PAK5: variants seen among roughly 807,000 people sequenced by gnomAD.
The protein encoded by PAK5 is p21 (RAC1) activated kinase 5.
A neutral mutation model predicts 65.9 loss-of-function variants in PAK5; 16 were observed. The observed-to-expected ratio is 0.24, with a 90% CI of 0.16 to 0.37. The LOEUF is 0.37. Among genes scored for constraint, PAK5 ranks in the 10% least tolerant of loss-of-function variants. The pLI, the probability that PAK5 is intolerant of heterozygous loss-of-function variation, is 1.00. For synonymous variants in PAK5, 371 were observed against 354.9 expected (o/e 1.05, Z -0.51); for missense variants, 785 against 903.9 (o/e 0.87, Z 1.69).
rs557143368 is a variant in PAK5, at chr20:9,562,395, G to C, written c.1616+496C>G. Among the ~76,000 whole-genome samples, 7 of 152,282 alleles carry C rather than the reference G, an allele frequency of 4.6e-5. No individual in the cohort carries two copies. The South Asian group carries it at 1.5e-3, about 32-fold the overall frequency. On this transcript the variant is annotated intron_variant, in intron 6 of 9. Transcript: ENST00000353224. ...GGGAGGCAAATAGCTGAAGCAATAG[G>C]CTGGTAATTAACCATCGTTACTTGC... is the stretch of plus-strand genomic sequence containing the variant.
intron 1 of PAK5, among the ~76,000 whole-genome samples, chr20:9,727,978 A>C (rs1277388322): frequency 1.3e-5 from 2 of 152,122 alleles, no homozygotes; most frequent in Non-Finnish European, 2.9e-5. Flanking sequence ...TGGTGTTTAG[A>C]AACCACCAAG....
intron 1 of PAK5, among the ~76,000 whole-genome samples, chr20:9,830,607 AT>A (rs1978635714): frequency 6.6e-6 from 1 of 152,174 alleles, no homozygotes; most frequent in African/African-American, 2.4e-5. Flanking sequence ...TTTCTTTCAG[AT>A]TATACCTTTC....
chr20:9,644,197 T>A lies in PAK5; in HGVS notation c.132A>T (p.Ala44=). The A allele has an allele frequency of 6.2e-7, 1 of 1,611,156 alleles. No homozygotes were observed. The change falls in exon 3 of 10, where the codon GCA becomes GCT. Residue 44 remains alanine (A), a synonymous_variant. Transcript: ENST00000353224. ...TAGGCTTTGGCCTGTTGGCCGTATCTGCTAACAGGCTGTGCCACTGCTGGG... is the reference window on the plus strand; with the variant it reads ...TAGGCTTTGGCCTGTTGGCCGTATCAGCTAACAGGCTGTGCCACTGCTGGG... The part of the protein sequence containing the change: ...GLPQQWHSLL[A]DTANRPKPMV...
chr20:9,619,727 A>G (rs2046735854), intron 3 of PAK5, among the ~76,000 whole-genome samples: 1 of 152,100 alleles, frequency 6.6e-6, no homozygotes, highest in Non-Finnish European at 1.5e-5. Flanking sequence ...CTTCCAGGGG[A>G]TTCCTAGAGG....
intron 2 of PAK5, among the ~76,000 whole-genome samples, chr20:9,666,152 T>A (rs1171038294): frequency 6.6e-6 from 1 of 152,096 alleles, no homozygotes; most frequent in Non-Finnish European, 1.5e-5. Context: ...TTTCTCAGAA[T>A]AACAGAAATG....
intron 3 of PAK5, among the ~76,000 whole-genome samples, chr20:9,587,507 T>A (rs750246171): frequency 1.3e-5 from 2 of 152,076 alleles, no homozygotes; most frequent in African/African-American, 2.4e-5. Flanking sequence ...GAAAGATAGG[T>A]ATAGAAAAGA....
At chr20:9,664,915 TACA>T (rs1310550993) in intron 2 of PAK5, among the ~76,000 whole-genome samples, 1 of 152,028 alleles carries the variant, frequency 6.6e-6, no homozygotes, top group Non-Finnish European at 1.5e-5. Flanking sequence ...ATTTTGGTAC[TACA>T]ACTTGTGAGT....
chr20:9,552,288 T>C (rs1165778214), intron 7 of PAK5, among the ~76,000 whole-genome samples: 1 of 152,224 alleles, frequency 6.6e-6, no homozygotes, highest in Non-Finnish European at 1.5e-5. Flanking sequence ...TTTGTCAAAG[T>C]CAGTCACTCA....
chr20:9,726,010 T>G lies in PAK5; in HGVS notation c.-161-14575A>C, dbSNP rs1454119907. Among the ~76,000 whole-genome samples the G allele has an allele frequency of 2.0e-5, 3 of 152,144 alleles. No homozygotes were observed. The East Asian group carries it at 5.8e-4, about 29-fold the overall frequency. ...TTTCTATTTTCTCTATAGAATGATG[T>G]TTCAAAATAATTTTTATATTTAAAG... On this transcript the variant is annotated intron_variant, in intron 1 of 9. Transcript: ENST00000353224.
chr20:9,791,522 G>A (rs182474540), intron 1 of PAK5, among the ~76,000 whole-genome samples: 168 of 152,030 alleles, frequency 1.1e-3, no homozygotes, highest in Non-Finnish European at 8.7e-4. Flanking sequence ...CCAAGTGCTG[G>A]CCCCTTCATC....
chr20:9,578,044 A>G (rs2045917355), intron 4 of PAK5, among the ~76,000 whole-genome samples: 1 of 152,206 alleles, frequency 6.6e-6, no homozygotes, highest in African/African-American at 2.4e-5. Flanking sequence ...TCTGGTGGCC[A>G]CTGGGACTTC....
intron 1 of PAK5, among the ~76,000 whole-genome samples, chr20:9,806,092 G>T (rs529693757): frequency 6.6e-6 from 1 of 152,188 alleles, no homozygotes; most frequent in Admixed American, 6.5e-5. Context: ...AGCCTCCCAA[G>T]CAGCTGGGAC....
intron 3 of PAK5, among the ~76,000 whole-genome samples, chr20:9,605,156 T>G (rs1408122329): frequency 6.6e-6 from 1 of 152,228 alleles, no homozygotes; most frequent in African/African-American, 2.4e-5. Context: ...CAGAGCCATG[T>G]CAAATGCAGG....
chr20:9,820,008 G>A (rs6056902), intron 1 of PAK5, among the ~76,000 whole-genome samples: 29 of 152,210 alleles, frequency 1.9e-4, no homozygotes, highest in African/African-American at 7.0e-4. Context: ...GGGAAGAAAT[G>A]GCACCAGGAT....
chr20:9,670,667 A>G (rs2047484050), intron 2 of PAK5, among the ~76,000 whole-genome samples: 1 of 152,136 alleles, frequency 6.6e-6, no homozygotes, highest in African/African-American at 2.4e-5. Context: ...TAGATTCTGG[A>G]TATTAGCCCT....
chr20:9,636,041 C>A (rs996939630), intron 3 of PAK5, among the ~76,000 whole-genome samples: 2 of 152,168 alleles, frequency 1.3e-5, no homozygotes, highest in Admixed American at 6.5e-5. Flanking sequence ...TTCTGACCAA[C>A]AAGGAAGACC....
chr20:9,537,434 A>G lies in PAK5; in HGVS notation c.*2028T>C, dbSNP rs1403167959. ...TTATTTGCAAATGCAGTTTCTGCCA[A>G]TAGTTAGTGCTCACAAAACCTTTTA... is the stretch of plus-strand genomic sequence containing the variant. On this transcript the variant is annotated 3_prime_UTR_variant, in exon 10 of 10. Transcript: ENST00000353224. 4.8e-6 allele frequency: 1 copy of G among 206,474 alleles called. No individual in the cohort carries two copies. The highest frequency in any genetic ancestry group is 9.9e-6 in the Non-Finnish European group (1 of 100,898). The allele number at this position is 206,474 out of a possible 1,614,324, so 12.8% of individuals were successfully genotyped here. A position where few individuals can be genotyped will look rare whatever the true frequency, so the allele number is the denominator to read the frequency against.
At chr20:9,757,170 T>C (rs1397772023) in intron 1 of PAK5, among the ~76,000 whole-genome samples, 2 of 152,178 alleles carry the variant, frequency 1.3e-5, no homozygotes. Context: ...TAAACTATAC[T>C]TGTGTTAGAA....
chr20:9,756,346 G>A (rs557937057), intron 1 of PAK5, among the ~76,000 whole-genome samples: 1 of 152,138 alleles, frequency 6.6e-6, no homozygotes, highest in South Asian at 2.1e-4. Context: ...TGATGCATTG[G>A]GTGGAGCTGG....
Sources: gnomAD v4.1 joint callset for allele counts (sites outside exome capture counted in the v4.1 genomes callset) on GRCh38, gnomAD v4.1.1 for gene constraint, MANE v1.5 for transcripts, NCBI Gene and HGNC (gene_info 2026-07-23, HGNC 2026-07-21) for gene names.